KCNIP4: variants seen among roughly 807,000 people sequenced by gnomAD.
KCNIP4 encodes the protein potassium voltage-gated channel interacting protein 4.
KCNIP4 carries 12 observed loss-of-function variants against 34.0 expected under a neutral mutation model. The ratio of observed to expected loss-of-function variants is 0.35; its 90% CI spans 0.23 to 0.57. KCNIP4 has a LOEUF of 0.57. KCNIP4 is among the 20% of genes least tolerant of loss of function. The pLI is 0.83. For synonymous variants in KCNIP4, 124 were observed against 102.2 expected, an observed-to-expected ratio of 1.21 and a Z score of -1.29; for missense variants, 238 against 311.7, an observed-to-expected ratio of 0.76 and a Z score of 1.78.
intron 1 of KCNIP4, among the ~76,000 whole-genome samples, chr4:21,348,707 G>A (rs149156338): frequency 4.1e-4 from 63 of 152,248 alleles, no homozygotes; most frequent in Admixed American, 2.1e-3. Context: ...TCAGAGCTGC[G>A]CTATGATATT....
rs866503573 is a variant in KCNIP4 at position 20,889,837 on chromosome 4, G to C, written c.62-7128C>G. Among the ~76,000 whole-genome samples the C allele has an allele frequency of 1.3e-4, 20 of 149,144 alleles. No homozygotes were observed. In the South Asian group the frequency reaches 4.2e-3, roughly 31 times the overall value. Reference sequence around the variant, plus strand: ...ATCTAGAAGTCAAACCAAACTGCTAGTATACTAACATAACACTTTAAAGAC... The same window carrying C: ...ATCTAGAAGTCAAACCAAACTGCTACTATACTAACATAACACTTTAAAGAC... On this transcript the variant is annotated intron_variant, in intron 1 of 8. Coordinates refer to ENST00000382152, the MANE Select transcript of KCNIP4 (RefSeq NM_025221.6).
intron 3 of KCNIP4, among the ~76,000 whole-genome samples, chr4:20,769,072 CAAAAAAAA>C (rs5856579): frequency 1.0e-5 from 1 of 99,786 alleles, no homozygotes; most frequent in Non-Finnish European, 2.2e-5. Flanking sequence ...GATTTACAGC[CAAAAAAAA>C]AAAAAAAAAC....
chr4:21,862,654 T>C (rs73256598), intron 1 of KCNIP4, among the ~76,000 whole-genome samples: 10 of 152,038 alleles, frequency 6.6e-5, no homozygotes, highest in Non-Finnish European at 1.2e-4. Flanking sequence ...AGGTGTTCAA[T>C]AAATATTTGT....
rs549914328 is a variant in KCNIP4, at chr4:21,664,102, C to A, written c.61+284469G>T. The stretch of plus-strand genomic sequence containing the variant: ...CTGGGACTACAGGTGTGCACCACCA[C>A]AACTGGCTAATTTTTTTTTGTACTT... On this transcript the variant is annotated intron_variant, in intron 1 of 8. Coordinates refer to ENST00000382152, the MANE Select transcript of KCNIP4 (RefSeq NM_025221.6). Among the ~76,000 whole-genome samples, 4 of 152,030 alleles carry A rather than the reference C, an allele frequency of 2.6e-5. No homozygotes were observed. The South Asian group carries it at 6.2e-4, about 24-fold the overall frequency.
intron 1 of KCNIP4, among the ~76,000 whole-genome samples, chr4:20,987,564 T>G (rs915113447): frequency 6.6e-6 from 1 of 152,106 alleles, no homozygotes; most frequent in Non-Finnish European, 1.5e-5. Flanking sequence ...GAATAAAAAC[T>G]AAGGCGCATT....
intron 1 of KCNIP4, among the ~76,000 whole-genome samples, chr4:21,676,362 A>G (rs762083280): frequency 6.6e-5 from 10 of 152,198 alleles, no homozygotes; most frequent in Non-Finnish European, 1.5e-4. Context: ...AATCTGGATA[A>G]GTTGTCCTCA....
chr4:21,721,778 A>G (rs913432058), intron 1 of KCNIP4, among the ~76,000 whole-genome samples: 1 of 152,224 alleles, frequency 6.6e-6, no homozygotes, highest in Admixed American at 6.5e-5. Context: ...ACATGGTTGT[A>G]AACTCAGCAC....
chr4:21,758,709 T>G (rs1002177745), intron 1 of KCNIP4, among the ~76,000 whole-genome samples: 41 of 144,526 alleles, frequency 2.8e-4, no homozygotes, highest in South Asian at 4.3e-4. Context: ...GCCTTACTTA[T>G]CCCATCTGTA....
intron 1 of KCNIP4, among the ~76,000 whole-genome samples, chr4:21,514,698 G>A (rs1734612535): frequency 6.6e-6 from 1 of 152,024 alleles, no homozygotes; most frequent in Admixed American, 6.6e-5. Context: ...GATAGAAATA[G>A]GAAGCAACTG....
intron 1 of KCNIP4, among the ~76,000 whole-genome samples, chr4:21,633,066 TG>T (rs1745874932): frequency 6.6e-6 from 1 of 152,218 alleles, no homozygotes; most frequent in Non-Finnish European, 1.5e-5. Context: ...CATAATTATT[TG>T]GCAAATTTAT....
chr4:21,449,959 T>G (rs2109739784), intron 1 of KCNIP4, among the ~76,000 whole-genome samples: 1 of 152,266 alleles, frequency 6.6e-6, no homozygotes, highest in Admixed American at 6.5e-5. Context: ...TAGCAAACAT[T>G]CTTTTACTCA....
intron 1 of KCNIP4, among the ~76,000 whole-genome samples, chr4:21,317,315 A>AT (rs35044266): frequency 7.9e-5 from 12 of 152,132 alleles, no homozygotes; most frequent in South Asian, 2.1e-4. Context: ...CATAGAAATC[A>AT]TTTTTATTAA....
chr4:21,135,537 T>C (rs1236905271), intron 1 of KCNIP4, among the ~76,000 whole-genome samples: 7 of 152,178 alleles, frequency 4.6e-5, no homozygotes. Context: ...GGCAGGAAAA[T>C]TGGCAAGTCC....
At chr4:20,883,139 C>T (rs1210670924) in intron 1 of KCNIP4, among the ~76,000 whole-genome samples, 1 of 151,824 alleles carries the variant, frequency 6.6e-6, no homozygotes, top group Admixed American at 6.6e-5. Context: ...CTATTGCTCC[C>T]CATCTTTGAT....
intron 1 of KCNIP4, chr4:21,845,250 A>G (rs564251715): frequency 2.6e-4 from 39 of 152,074 alleles, no homozygotes; most frequent in Admixed American, 2.2e-3. Flanking sequence ...CTTTACCACA[A>G]TTACTCAACT....
At chr4:21,925,077 CT>C (rs576336401) in intron 1 of KCNIP4, among the ~76,000 whole-genome samples, 2 of 151,706 alleles carry the variant, frequency 1.3e-5, no homozygotes, top group Admixed American at 6.6e-5. Context: ...TCATTTTTTT[CT>C]TTTTTTTATT....
At chr4:21,825,293 A>T (rs1335275858) in intron 1 of KCNIP4, among the ~76,000 whole-genome samples, 1 of 152,128 alleles carries the variant, frequency 6.6e-6, no homozygotes, top group Non-Finnish European at 1.5e-5. Context: ...AAAACCTGCA[A>T]CTGGAAAAAC....
intron 1 of KCNIP4, among the ~76,000 whole-genome samples, chr4:21,150,518 T>A (rs1752681411): frequency 6.6e-6 from 1 of 152,222 alleles, no homozygotes; most frequent in African/African-American, 2.4e-5. Flanking sequence ...ATTACCCCTG[T>A]CTTAGAGGAG....
chr4:21,593,344 A>ATTT (rs2109100493), intron 1 of KCNIP4, among the ~76,000 whole-genome samples: 1 of 152,250 alleles, frequency 6.6e-6, no homozygotes, highest in Admixed American at 6.5e-5. Context: ...TCCGTTTATT[A>ATTT]TCTCTGAAAG....
Sources: gnomAD v4.1 joint callset for allele counts (sites outside exome capture counted in the v4.1 genomes callset) on GRCh38, gnomAD v4.1.1 for gene constraint, MANE v1.5 for transcripts, NCBI Gene and HGNC (gene_info 2026-07-23, HGNC 2026-07-21) for gene names.